The following TANGO6 variants were observed in gnomAD, a reference collection of about 807,000 sequenced individuals.
The protein encoded by TANGO6 is transport and golgi organization 6 homolog.
A neutral mutation model predicts 114.2 loss-of-function variants in TANGO6; 90 were observed. The ratio of observed to expected loss-of-function variants is 0.79; its 90% CI spans 0.66 to 0.94. The LOEUF (loss-of-function observed/expected upper bound fraction) is 0.94. Among genes scored for constraint, TANGO6 ranks in the 40% least tolerant of loss-of-function variants. The probability of loss-of-function intolerance (pLI) is 0.00; values close to 1 mark genes in which losing one functional copy is unlikely to be tolerated. For synonymous variants in TANGO6, 477 were observed against 509.8 expected, an observed-to-expected ratio of 0.94 and a Z score of 0.87; for missense variants, 1,274 against 1,315.3, an observed-to-expected ratio of 0.97 and a Z score of 0.49.
At chr16:69,018,488 A>G (rs1329190978) in intron 15 of TANGO6, among the ~76,000 whole-genome samples, 1 of 151,838 alleles carries the variant, frequency 6.6e-6, no homozygotes, top group Admixed American at 6.6e-5. Flanking sequence ...AGTTACTCAT[A>G]GGTAACTCAT....
chr16:68,864,537 G>A (rs1199925121), intron 3 of TANGO6, among the ~76,000 whole-genome samples: 1 of 151,400 alleles, frequency 6.6e-6, no homozygotes, highest in African/African-American at 2.4e-5. Flanking sequence ...GCTGTGATCG[G>A]GCCACTGCAC....
chr16:68,968,134 C>T (rs1265904465), intron 14 of TANGO6, among the ~76,000 whole-genome samples: 2 of 152,016 alleles, frequency 1.3e-5, no homozygotes, highest in African/African-American at 2.4e-5. Flanking sequence ...GGCGCCATCT[C>T]GGTTCAATGC....
At chr16:69,002,593 G>C (rs1964054030) in intron 15 of TANGO6, among the ~76,000 whole-genome samples, 1 of 152,068 alleles carries the variant, frequency 6.6e-6, no homozygotes. Context: ...CACCATGATT[G>C]TAAGTTTCCT....
intron 16 of TANGO6, among the ~76,000 whole-genome samples, chr16:69,024,270 CTT>C (rs535262771): frequency 1.8e-4 from 25 of 135,148 alleles, no homozygotes; most frequent in Admixed American, 2.3e-4. Flanking sequence ...CTCTAGCCCC[CTT>C]TTTTTTTTTT....
At position 69,067,525 on chromosome 16, in the gene TANGO6, A is replaced by AAAAAAAAAAAC. The variant is rs1343642340; in HGVS notation, c.3109-15950_3109-15949insCAAAAAAAAAA. 1.1e-4 allele frequency among the ~76,000 whole-genome samples: 16 copies of AAAAAAAAAAAC among 147,314 alleles called. 2 individuals are homozygous for AAAAAAAAAAAC. The highest frequency in any genetic ancestry group is 3.8e-4 in the African/African-American group (15 of 39,396). On this transcript the variant is annotated intron_variant, in intron 17 of 17. Coordinates refer to ENST00000261778, the MANE Select transcript of TANGO6 (RefSeq NM_024562.2). The stretch of plus-strand genomic sequence containing the variant: ...AAGAGCAAAACTCCATCTCAAAAAA[A>AAAAAAAAAAAC]AAAAAAAAAAAACGCTGGGCGCCGT...
intron 17 of TANGO6, among the ~76,000 whole-genome samples, chr16:69,064,612 C>A (rs899243315): frequency 1.3e-5 from 2 of 152,166 alleles, no homozygotes; most frequent in African/African-American, 2.4e-5. Flanking sequence ...TAGTAATGCA[C>A]ATATGAAAAA....
At chr16:68,885,376 C>T (rs1283874563) in intron 7 of TANGO6, among the ~76,000 whole-genome samples, 1 of 152,124 alleles carries the variant, frequency 6.6e-6, no homozygotes, top group Admixed American at 6.6e-5. Context: ...GTTTTGCAAC[C>T]ATTGTCAGTC....
At chr16:69,081,088 A>G (rs1960457974) in intron 17 of TANGO6, among the ~76,000 whole-genome samples, 2 of 152,192 alleles carry the variant, frequency 1.3e-5, no homozygotes, top group African/African-American at 2.4e-5. Flanking sequence ...CAGTGAGCCA[A>G]GAGTGCGCCA....
chr16:68,878,560 A>C (rs1962407214), intron 6 of TANGO6, among the ~76,000 whole-genome samples: 1 of 152,238 alleles, frequency 6.6e-6, no homozygotes, highest in African/African-American at 2.4e-5. Context: ...AGCATTTGAG[A>C]CTTAGTTGCA....
At chr16:68,901,055 C>T (rs1406188295) in intron 8 of TANGO6, among the ~76,000 whole-genome samples, 1 of 152,148 alleles carries the variant, frequency 6.6e-6, no homozygotes, top group Non-Finnish European at 1.5e-5. Context: ...AAGTAGGATT[C>T]ATTTTGTATC....
chr16:69,080,916 A>G (rs951337131), intron 17 of TANGO6, among the ~76,000 whole-genome samples: 3 of 152,166 alleles, frequency 2.0e-5, no homozygotes, highest in Non-Finnish European at 2.9e-5. Context: ...AGGCGGGCAG[A>G]TCATGAGGTC....
chr16:68,878,176 C>T lies in TANGO6; in HGVS notation c.1190C>T (p.Ala397Val), dbSNP rs1348847357. ...KLTARQFQRVATTTFITLSRE... is the reference protein window; with the variant it reads ...KLTARQFQRVVTTTFITLSRE... ...ACAGCACGACAATTTCAGAGAGTTG[C>T]CACCACTACCTTTATAACTTTGTCA... Residue 397 changes from alanine (A) to valine (V), a missense_variant, in exon 6 of 18, where the codon GCC (alanine) becomes GTC (valine). Around this residue, in one of 5 missense-constraint regions of TANGO6, gnomAD observed 908 missense variants for 910.2 expected, o/e 1.00. Coordinates refer to ENST00000261778, the MANE Select transcript of TANGO6 (RefSeq NM_024562.2). 1.9e-6 allele frequency: 3 copies of T among 1,612,852 alleles called. No homozygotes were observed. Among genetic ancestry groups the T allele is most frequent in the South Asian group, 2.2e-5 (2 of 90,668 alleles).
Position 68,863,064 on chromosome 16 carries a change from A to G in TANGO6, c.852+3A>G, listed in dbSNP as rs371954227. The G allele has an allele frequency of 4.6e-6, 7 of 1,537,408 alleles. No homozygotes were observed. In the African/African-American group the frequency reaches 5.5e-5, roughly 12 times the overall value. On this transcript the variant is annotated splice_donor_region_variant and intron_variant, in intron 3 of 17. Coordinates refer to ENST00000261778, the MANE Select transcript of TANGO6 (RefSeq NM_024562.2). ...TCCTCCAGGGAGGACCACCCCAGGT[A>G]CTCAGGCCTAGGGACTCTTGGGGGT...
chr16:68,973,955 C>T, intron 14 of TANGO6, 73 bp from the exon 15 acceptor site: 1 of 1,517,358 alleles, frequency 6.6e-7, no homozygotes, highest in Middle Eastern at 1.7e-4. Context: ...TTCATCCCAT[C>T]ACAGGGTGAC....
At chr16:68,934,485 A>G (rs1963280502) in intron 14 of TANGO6, among the ~76,000 whole-genome samples, 1 of 152,226 alleles carries the variant, frequency 6.6e-6, no homozygotes, top group African/African-American at 2.4e-5. Flanking sequence ...GTGGTAAAGG[A>G]CAACTAGGTG....
intron 16 of TANGO6, among the ~76,000 whole-genome samples, chr16:69,031,800 G>C (rs974242703): frequency 2.6e-5 from 4 of 151,852 alleles, no homozygotes; most frequent in Non-Finnish European, 2.9e-5. Context: ...TGGGACTACA[G>C]GTGTGTGCCA....
At chr16:68,859,256 G>A (rs986060366) in intron 1 of TANGO6, among the ~76,000 whole-genome samples, 3 of 151,840 alleles carry the variant, frequency 2.0e-5, no homozygotes, top group Non-Finnish European at 4.4e-5. Context: ...CTGCAGCCTC[G>A]ACTTCCTGGG....
intron 17 of TANGO6, among the ~76,000 whole-genome samples, chr16:69,069,900 A>G (rs1361083311): frequency 5.9e-5 from 9 of 152,156 alleles, no homozygotes; most frequent in Non-Finnish European, 1.3e-4. Flanking sequence ...AGTAAAAGCA[A>G]GTTTATTAAG....
intron 14 of TANGO6, among the ~76,000 whole-genome samples, chr16:68,939,825 T>C (rs1963333817): frequency 6.6e-6 from 1 of 152,196 alleles, no homozygotes; most frequent in Admixed American, 6.5e-5. Context: ...AAATAATTAT[T>C]TGCAACTTCA....
Sources: gnomAD v4.1 joint callset for allele counts (sites outside exome capture counted in the v4.1 genomes callset) on GRCh38, gnomAD v4.1.1 for gene constraint, gnomAD v4.1.1 regional missense constraint, MANE v1.5 for transcripts, NCBI Gene and HGNC (gene_info 2026-07-23, HGNC 2026-07-21) for gene names.